The following PRSS12 variants were observed in gnomAD, a reference collection of about 807,000 sequenced individuals.
PRSS12 encodes neurotrypsin.
Under a neutral mutation model 104.4 loss-of-function variants are expected in PRSS12, and 85 were observed. That is an observed-to-expected ratio of 0.81 (90% CI 0.68 to 0.98). The LOEUF (loss-of-function observed/expected upper bound fraction) is 0.98, where lower values mean the gene tolerates loss of function less well. PRSS12 is among the 50% of genes least tolerant of loss of function. The pLI is 0.00. For missense variants in PRSS12, 1,141 were observed against 1,139.2 expected (o/e 1.00, Z -0.02); for synonymous variants, 454 against 425.2 (o/e 1.07, Z -0.83).
chr4:118,318,653 C>A, intron 4 of PRSS12, 97 bp from the exon 5 acceptor site: 1 of 1,210,682 alleles, frequency 8.3e-7, no homozygotes, highest in South Asian at 1.3e-5. Flanking sequence ...TTATTAATCC[C>A]CACTTATTAA....
Position 118,352,306 on chromosome 4 carries a change from G to A in PRSS12, c.415C>T (p.Arg139Trp). Reference sequence around the variant, plus strand: ...GGTCTGCCCGCGCCGTCGGGGCTCCGACAAAAGTTGTGGCGCTGTCCTCGC... The same window carrying A: ...GGTCTGCCCGCGCCGTCGGGGCTCCAACAAAAGTTGTGGCGCTGTCCTCGC... The part of the protein sequence containing the change: ...QLRGQRHNFC[R>W]SPDGAGRPWC... Residue 139 changes from arginine (R) to tryptophan (W), a missense_variant, in exon 1 of 13, where the codon CGG (arginine) becomes TGG (tryptophan). By Grantham distance (101) the Arg-to-Trp change is moderately radical (BLOSUM62 -3). Coordinates refer to ENST00000296498, the MANE Select transcript of PRSS12 (RefSeq NM_003619.4). 2.5e-6 allele frequency: 4 copies of A among 1,600,302 alleles called. No individual in the cohort carries two copies. The highest frequency in any genetic ancestry group is 3.4e-6 in the Non-Finnish European group (4 of 1,175,988).
In PRSS12 at chr4:118,352,980, G is replaced by GA. The variant is rs1490688316; in HGVS notation, c.-261dup. 4.5e-6 allele frequency: 4 copies of GA among 887,434 alleles called. No homozygotes were observed. In the African/African-American group the frequency reaches 7.3e-5, roughly 16 times the overall value. The allele number at this position is 887,434 out of a possible 1,614,324, so 55.0% of individuals were successfully genotyped here. A position where few individuals can be genotyped will look rare whatever the true frequency, so the allele number is the denominator to read the frequency against. On this transcript the variant is annotated 5_prime_UTR_variant, in exon 1 of 13. Transcript: ENST00000296498. ...GAGCCCCGGCCGGCGGAGAGGACCG[G>GA]AAAAGAGAAGGCGCGGACGCAGCGG...
At chr4:118,297,265 G>A (rs1440769484) in intron 9 of PRSS12, among the ~76,000 whole-genome samples, 3 of 152,030 alleles carry the variant, frequency 2.0e-5, no homozygotes, top group African/African-American at 7.2e-5. Flanking sequence ...CATAACCATG[G>A]AAAGATATCA....
chr4:118,282,654 T>C (rs547072797), intron 12 of PRSS12, among the ~76,000 whole-genome samples, 177 bp downstream of exon 12: 1 of 152,228 alleles, frequency 6.6e-6, no homozygotes, highest in African/African-American at 2.4e-5. Context: ...AAGTTCTCAT[T>C]AGAACCAACA....
Position 118,281,148 on chromosome 4 carries a change from TGAG to T in PRSS12, c.*785_*787del, listed in dbSNP as rs1482675161. The T allele has an allele frequency of 2.6e-5, 4 of 152,242 alleles. No homozygotes were observed. The highest frequency in any genetic ancestry group is 9.7e-5 in the African/African-American group (4 of 41,446). 9.4% of individuals were successfully genotyped at this position (152,242 alleles called of 1,614,324 possible). On this transcript the variant is annotated 3_prime_UTR_variant, in exon 13 of 13. Coordinates refer to ENST00000296498, the MANE Select transcript of PRSS12 (RefSeq NM_003619.4). ...CATGGTCGGGGAACGTGGACTATGA[TGAG>T]GTGCTTGTTAAAAGCAAATATAGTA...
chr4:118,317,092 A>T lies in PRSS12; in HGVS notation c.1151-769T>A, dbSNP rs1484129757. 8.6e-5 allele frequency among the ~76,000 whole-genome samples: 13 copies of T among 152,042 alleles called. No homozygotes were observed. In the East Asian group the frequency reaches 2.5e-3, roughly 29 times the overall value. On this transcript the variant is annotated intron_variant, in intron 5 of 12. Transcript: ENST00000296498. The stretch of plus-strand genomic sequence containing the variant: ...AAAATACTGAAATAGGATGACAGAA[A>T]AAAACTATTCTGGATAAAAGACAGT...
intron 1 of PRSS12, among the ~76,000 whole-genome samples, chr4:118,350,552 T>C (rs1197760207): frequency 6.6e-6 from 1 of 152,248 alleles, no homozygotes; most frequent in African/African-American, 2.4e-5. Flanking sequence ...TTTGTTTCTC[T>C]TTTGTTCAAT....
intron 1 of PRSS12, among the ~76,000 whole-genome samples, chr4:118,349,864 G>A (rs1178355706): frequency 2.0e-5 from 3 of 151,994 alleles, no homozygotes; most frequent in East Asian, 1.9e-4. Flanking sequence ...TTAGCCGGGC[G>A]TGGTGGCAGG....
rs1393683380 is a variant in PRSS12, at chr4:118,352,920, C to T, written c.-200G>A. 3.0e-6 allele frequency: 4 copies of T among 1,330,956 alleles called. No homozygotes were observed. Among genetic ancestry groups the T allele is most frequent in the African/African-American group, 3.1e-5 (2 of 64,034 alleles). 82.4% of individuals were successfully genotyped at this position (1,330,956 alleles called of 1,614,324 possible). A position where few individuals can be genotyped will look rare whatever the true frequency, so the allele number is the denominator to read the frequency against. On this transcript the variant is annotated 5_prime_UTR_variant, in exon 1 of 13. Coordinates refer to ENST00000296498, the MANE Select transcript of PRSS12 (RefSeq NM_003619.4). ...CCGCGCCTCGGCTCCTGTCCCCTGG[C>T]GGCGGCCGCGGGTGGGGAAATCTGG...
At chr4:118,283,315 G>A (rs1742936815) in intron 11 of PRSS12, among the ~76,000 whole-genome samples, 1 of 152,092 alleles carries the variant, frequency 6.6e-6, no homozygotes, top group African/African-American at 2.4e-5. Flanking sequence ...ATTTCATTAT[G>A]TAATCTGTTC....
At chr4:118,299,770 A>AAAATAAAAT (rs1743355237) in intron 8 of PRSS12, among the ~76,000 whole-genome samples, 1 of 45,134 alleles carries the variant, frequency 2.2e-5, no homozygotes, top group African/African-American at 5.0e-5. Context: ...AAAATTAAAT[A>AAAATAAAAT]AAATAAAATA....
intron 4 of PRSS12, among the ~76,000 whole-genome samples, chr4:118,327,587 T>C (rs1723808893): frequency 6.6e-6 from 1 of 152,218 alleles, no homozygotes; most frequent in South Asian, 2.1e-4. Flanking sequence ...CCACAATTTT[T>C]AAATTCCCAA....
chr4:118,338,029 C>T, intron 2 of PRSS12, 147 bp downstream of exon 2: 1 of 1,006,970 alleles, frequency 9.9e-7, no homozygotes. Context: ...CATTTGGGGC[C>T]CTTTCTTTAT....
intron 8 of PRSS12, among the ~76,000 whole-genome samples, chr4:118,299,814 AAAT>A (rs1743362333): frequency 6.1e-5 from 5 of 82,174 alleles, no homozygotes; most frequent in Non-Finnish European, 1.4e-4. Context: ...AAAATAAATA[AAAT>A]AAAATAAAAT....
chr4:118,341,352 T>C (rs1724203124), intron 1 of PRSS12, among the ~76,000 whole-genome samples: 1 of 152,178 alleles, frequency 6.6e-6, no homozygotes, highest in Non-Finnish European at 1.5e-5. Flanking sequence ...GCTGCATTTA[T>C]TCTCTTAGAA....
At chr4:118,348,931 C>A (rs1378864068) in intron 1 of PRSS12, among the ~76,000 whole-genome samples, 2 of 152,088 alleles carry the variant, frequency 1.3e-5, no homozygotes, top group East Asian at 3.9e-4. Flanking sequence ...GGATTACAAG[C>A]GACAGCTACC....
chr4:118,288,582 G>T (rs1743061799), intron 11 of PRSS12, among the ~76,000 whole-genome samples: 1 of 152,178 alleles, frequency 6.6e-6, no homozygotes, highest in Admixed American at 6.5e-5. Context: ...GTCCACTTTG[G>T]AGTAAAATTA....
At chr4:118,297,235 T>C (rs1324683243) in intron 9 of PRSS12, among the ~76,000 whole-genome samples, 1 of 152,150 alleles carries the variant, frequency 6.6e-6, no homozygotes, top group East Asian at 1.9e-4. Flanking sequence ...ATCTTTTTAC[T>C]TGAAGTATGG....
chr4:118,313,422 G>A (rs1318534924), intron 6 of PRSS12, 25 bp from the exon 7 acceptor site: 4 of 1,609,640 alleles, frequency 2.5e-6, no homozygotes, highest in East Asian at 4.5e-5. Flanking sequence ...TAAACACTGT[G>A]TATAGAACTT....
Sources: gnomAD v4.1 joint callset for allele counts (sites outside exome capture counted in the v4.1 genomes callset) on GRCh38, gnomAD v4.1.1 for gene constraint, MANE v1.5 for transcripts, NCBI Gene and HGNC (gene_info 2026-07-23, HGNC 2026-07-21) for gene names.